Variants in KNDC1 observed in about 807,000 individuals in gnomAD.
KNDC1 encodes kinase non-catalytic C-lobe domain-containing protein 1.
In KNDC1, 106 loss-of-function variants were observed where a neutral mutation model predicts 172.8. That is an observed-to-expected ratio of 0.61 (90% CI 0.52 to 0.72). The LOEUF (loss-of-function observed/expected upper bound fraction) is 0.72, where lower values mean the gene tolerates loss of function less well. Ranked by LOEUF, KNDC1 falls within the 30% of genes least tolerant of loss-of-function variation. KNDC1 has a pLI of 0.00. For synonymous variants in KNDC1, 1,083 were observed against 1,062.2 expected (o/e 1.02, Z -0.38); for missense variants, 2,325 against 2,394.5 (o/e 0.97, Z 0.61).
chr10:133,191,159 C>T (rs916714703), intron 9 of KNDC1, among the ~76,000 whole-genome samples: 8 of 151,750 alleles, frequency 5.3e-5, no homozygotes, highest in African/African-American at 1.5e-4. Context: ...GGCAACATGG[C>T]GAAACCCCAT....
At chr10:133,210,466 C>T in intron 20 of KNDC1, 145 bp from the exon 21 acceptor site, 1 of 573,830 alleles carries the variant, frequency 1.7e-6, no homozygotes, top group Non-Finnish European at 3.2e-6. Context: ...CCATGTCCCC[C>T]CTTTAATTTC....
chr10:133,209,384 G>A lies in KNDC1; in HGVS notation c.3795-1227G>A, dbSNP rs1845305070. Among the ~76,000 whole-genome samples the A allele has an allele frequency of 6.6e-6, 1 of 150,570 alleles. No individual in the cohort carries two copies. On this transcript the variant is annotated intron_variant, in intron 20 of 29. Transcript: ENST00000304613. The surrounding 1 kb of genome is among the most constrained non-coding windows in gnomAD (Gnocchi z 4.9). ...CACATGTGGTGTGAGGTATAGTGTG[G>A]CATGTGTGCACATGTGTGATCTGTG... is the stretch of plus-strand genomic sequence containing the variant.
rs1853034418 is a variant in KNDC1, at chr10:133,163,228, G to T, written c.102+2659G>T. On this transcript the variant is annotated intron_variant, in intron 1 of 29. Coordinates refer to ENST00000304613, the MANE Select transcript of KNDC1 (RefSeq NM_152643.8). The surrounding 1 kb of genome is among the most constrained non-coding windows in gnomAD (Gnocchi z 4.4). ...CAGATGAGACGAAGAGGGTGCACCG[G>T]TTTGGGTGCCAGAGCAGGACGTGTC... Among the ~76,000 whole-genome samples the T allele has an allele frequency of 6.6e-6, 1 of 152,316 alleles. No individual in the cohort carries two copies. The highest frequency in any genetic ancestry group is 1.9e-4 in the East Asian group (1 of 5,182).
chr10:133,204,545 G>A (rs1408813431), intron 17 of KNDC1, among the ~76,000 whole-genome samples: 5 of 152,234 alleles, frequency 3.3e-5, no homozygotes, highest in African/African-American at 7.2e-5. Context: ...CTGGCCCTCC[G>A]TGGCACCGCC....
At chr10:133,217,477 C>T (rs1297135448) in intron 26 of KNDC1, among the ~76,000 whole-genome samples, 1 of 152,290 alleles carries the variant, frequency 6.6e-6, no homozygotes, top group Non-Finnish European at 1.5e-5. Flanking sequence ...AATCCCAGCA[C>T]TTTGGGAGTC....
chr10:133,165,493 C>T (rs117615207), intron 1 of KNDC1, among the ~76,000 whole-genome samples: 51 of 152,266 alleles, frequency 3.3e-4, no homozygotes, highest in East Asian at 3.1e-3. Flanking sequence ...GGACGGGGAC[C>T]GGCTGAGACG....
intron 24 of KNDC1, among the ~76,000 whole-genome samples, 175 bp from the exon 25 acceptor site, chr10:133,213,470 G>A (rs918453002): frequency 1.3e-5 from 2 of 152,194 alleles, no homozygotes; most frequent in African/African-American, 2.4e-5. Context: ...GAGCCCCTGG[G>A]GGCCAAGCAC....
intron 3 of KNDC1, among the ~76,000 whole-genome samples, chr10:133,174,569 A>G (rs7917188): frequency 0.014 from 2,110 of 152,312 alleles, 54 homozygotes; most frequent in African/African-American, 0.046. Flanking sequence ...TAGATTATTG[A>G]TGATGGATGA....
At chr10:133,203,152 CGGGG>C (rs1854426179) in intron 17 of KNDC1, among the ~76,000 whole-genome samples, 1 of 116,128 alleles carries the variant, frequency 8.6e-6, no homozygotes, top group African/African-American at 3.1e-5. Context: ...CGGCGTCCAG[CGGGG>C]AGCACTCGGC....
At chr10:133,211,394 C>T (rs1339661940) in intron 21 of KNDC1, 28 bp from the exon 22 acceptor site, 9 of 1,603,106 alleles carry the variant, frequency 5.6e-6, no homozygotes, top group Admixed American at 1.7e-5. Flanking sequence ...CACATCCTGG[C>T]AGCTCAGCAG....
In KNDC1 at chr10:133,163,934, CT is replaced by C. The variant is rs1021259453; in HGVS notation, c.102+3367del. Reference sequence around the variant, plus strand: ...GGGGGTGGAGTTCGTGGCCACCTGCCTTCCCAAATCCCTCCTCCCACCTGGG... The same window carrying C: ...GGGGGTGGAGTTCGTGGCCACCTGCCTCCCAAATCCCTCCTCCCACCTGGG... On this transcript the variant is annotated intron_variant, in intron 1 of 29. Coordinates refer to ENST00000304613, the MANE Select transcript of KNDC1 (RefSeq NM_152643.8). The surrounding 1 kb of genome is among the most constrained non-coding windows in gnomAD (Gnocchi z 4.4). 1.2e-5 allele frequency among the ~76,000 whole-genome samples: 1 copy of C among 81,440 alleles called. No individual in the cohort carries two copies. The highest frequency in any genetic ancestry group is 4.6e-5 in the African/African-American group (1 of 21,546). The allele number at this position is 81,440 out of a possible 152,430, so 53.4% of individuals were successfully genotyped here. A position where few individuals can be genotyped will look rare whatever the true frequency, so the allele number is the denominator to read the frequency against.
At position 133,220,065 on chromosome 10, in the gene KNDC1, A is replaced by G. The variant is rs776021264; in HGVS notation, c.4971A>G (p.Thr1657=). The G allele has an allele frequency of 7.7e-5, 121 of 1,565,878 alleles. No homozygotes were observed. The highest frequency in any genetic ancestry group is 6.7e-4 in the Middle Eastern group (4 of 6,008). ...LLAMHIQQLE[T]GGFTMTNGAH... The stretch of plus-strand genomic sequence containing the variant: ...CCATGCACATCCAGCAGCTGGAGAC[A>G]GGCGGCTTCACCATGACCAACGGGG... Residue 1657 remains threonine (T), a synonymous_variant, in exon 29 of 30, where the codon ACA becomes ACG. Transcript: ENST00000304613.
chr10:133,215,924 G>A (rs960256451), intron 26 of KNDC1, among the ~76,000 whole-genome samples: 4 of 152,238 alleles, frequency 2.6e-5, no homozygotes, highest in East Asian at 1.9e-4. Context: ...GCTGCGGATC[G>A]CTCAGAACAG....
intron 1 of KNDC1, among the ~76,000 whole-genome samples, chr10:133,161,160 T>G (rs2135936099): frequency 6.6e-6 from 1 of 152,312 alleles, no homozygotes; most frequent in African/African-American, 2.4e-5. Context: ...CAGCACCGGC[T>G]GCCCAGACGC....
intron 3 of KNDC1, among the ~76,000 whole-genome samples, chr10:133,172,392 T>C (rs912930424): frequency 1.3e-5 from 2 of 152,268 alleles, no homozygotes; most frequent in Non-Finnish European, 2.9e-5. Flanking sequence ...TATTAAATCA[T>C]CCTTTCTTAC....
At chr10:133,179,033 TC>T (rs1436630928) in intron 3 of KNDC1, 7 of 152,262 alleles carry the variant, frequency 4.6e-5, no homozygotes, top group African/African-American at 1.7e-4. Context: ...GCATCCAGCG[TC>T]CTCCAACGTG....
intron 29 of KNDC1, among the ~76,000 whole-genome samples, chr10:133,222,164 T>G (rs1321313834): frequency 1.3e-5 from 2 of 149,270 alleles, no homozygotes; most frequent in Non-Finnish European, 3.0e-5. Context: ...GCGCCTGTAG[T>G]CCCAGCTACT....
chr10:133,212,636 C>G, intron 23 of KNDC1, 80 bp from the exon 24 acceptor site: 2 of 1,277,668 alleles, frequency 1.6e-6, no homozygotes, highest in Non-Finnish European at 2.2e-6. Context: ...TGGTCCTCAC[C>G]CCCCAACCCT....
chr10:133,210,166 A>G, intron 20 of KNDC1, among the ~76,000 whole-genome samples: 1 of 151,932 alleles, frequency 6.6e-6, no homozygotes, highest in Non-Finnish European at 1.5e-5. Flanking sequence ...CAGGCAGATC[A>G]CCTGAGGTCA....
Sources: gnomAD v4.1 joint callset for allele counts (sites outside exome capture counted in the v4.1 genomes callset) on GRCh38, gnomAD v4.1.1 for gene constraint, Gnocchi (gnomAD v3.1) non-coding constraint, MANE v1.5 for transcripts, NCBI Gene and HGNC (gene_info 2026-07-23, HGNC 2026-07-21) for gene names.